The following HRH1 variants were observed in gnomAD, a reference collection of about 807,000 sequenced individuals.
The protein encoded by HRH1 is histamine receptor H1.
Under a neutral mutation model 10.3 loss-of-function variants are expected in HRH1, and 6 were observed. That is an observed-to-expected ratio of 0.58 (90% CI 0.32 to 1.15). The LOEUF (loss-of-function observed/expected upper bound fraction) is 1.15, where lower values mean the gene tolerates loss of function less well. Ranked by LOEUF, HRH1 falls within the 50% of genes most tolerant of loss-of-function variation. The pLI is 0.05. For synonymous variants in HRH1, 242 were observed against 236.7 expected (o/e 1.02, Z -0.21); for missense variants, 514 against 615.3 (o/e 0.84, Z 1.74).
chr3:11,179,955 A>G (rs551441510), intron 1 of HRH1, among the ~76,000 whole-genome samples: 8 of 151,688 alleles, frequency 5.3e-5, no homozygotes, highest in East Asian at 2.0e-4. Flanking sequence ...TAGAGATGGG[A>G]TCTCACTGTG....
chr3:11,184,938 A>G (rs1206638926), intron 1 of HRH1, among the ~76,000 whole-genome samples: 1 of 151,164 alleles, frequency 6.6e-6, no homozygotes, highest in Non-Finnish European at 1.5e-5. Context: ...AAAAAAAAGA[A>G]TCAGGCTAAT....
intron 1 of HRH1, among the ~76,000 whole-genome samples, chr3:11,186,618 G>A (rs1314436863): frequency 6.6e-6 from 1 of 152,168 alleles, no homozygotes; most frequent in Non-Finnish European, 1.5e-5. Context: ...CTTGGAGGTC[G>A]GGATCTGAGA....
At chr3:11,158,099 T>G (rs953133308) in intron 1 of HRH1, among the ~76,000 whole-genome samples, 1 of 152,240 alleles carries the variant, frequency 6.6e-6, no homozygotes, top group East Asian at 1.9e-4. Context: ...AGCTTTCTTA[T>G]CTGTAAAATG....
rs541711963 is a variant in HRH1, at chr3:11,178,439, C to T, written c.-36+23885C>T. Among the ~76,000 whole-genome samples the T allele has an allele frequency of 1.1e-3, 171 of 152,208 alleles. 1 individual carries two copies. Among genetic ancestry groups the T allele is most frequent in the South Asian group, 2.5e-3 (12 of 4,826 alleles). The stretch of plus-strand genomic sequence containing the variant: ...CAGTGTTAGTGTTCTGCCTAAATCC[C>T]CTTGGATCTCTTTACAGTTTCTGCG... On this transcript the variant is annotated intron_variant, in intron 1 of 1. Transcript: ENST00000431010.
At chr3:11,236,798 C>T (rs1172534869) in intron 1 of HRH1, among the ~76,000 whole-genome samples, 1 of 152,198 alleles carries the variant, frequency 6.6e-6, no homozygotes, top group South Asian at 2.1e-4. Flanking sequence ...GCAGGTGGTG[C>T]TAAAGAGCCC....
chr3:11,244,634 C>G (rs1939432845), intron 1 of HRH1, among the ~76,000 whole-genome samples: 1 of 152,252 alleles, frequency 6.6e-6, no homozygotes. Flanking sequence ...TAAATAATTG[C>G]ATTGCCCTTG....
intron 1 of HRH1, among the ~76,000 whole-genome samples, chr3:11,220,355 A>T (rs866168916): frequency 1.1e-4 from 17 of 152,326 alleles, no homozygotes; most frequent in Middle Eastern, 3.4e-3. Context: ...CGGTTACCTC[A>T]TCACTGTCCT....
At chr3:11,235,515 CA>C (rs2152576136) in intron 1 of HRH1, among the ~76,000 whole-genome samples, 1 of 152,266 alleles carries the variant, frequency 6.6e-6, no homozygotes, top group East Asian at 1.9e-4. Context: ...TCCATCTCCC[CA>C]CTAGGCCTCT....
Position 11,260,031 on chromosome 3 carries a change from A to G in HRH1, c.994A>G (p.Lys332Glu). ...CGTCAACCGGAGCCATGGCCAGCTC[A>G]AGACAGATGAGCAGGGCCTGAACAC... The part of the protein sequence containing the change: ...VAVNRSHGQL[K>E]TDEQGLNTHG... The change falls in exon 2 of 2, where the codon AAG becomes GAG. Residue 332 changes from lysine (K) to glutamate (E), a missense_variant. Coordinates refer to ENST00000431010, the MANE Select transcript of HRH1 (RefSeq NM_001098212.2). 1 of 1,614,140 alleles carries G rather than the reference A, an allele frequency of 6.2e-7. No individual in the cohort carries two copies. Among genetic ancestry groups the G allele is most frequent in the Non-Finnish European group, 8.5e-7 (1 of 1,179,990 alleles).
chr3:11,239,862 A>G (rs1279759754), intron 1 of HRH1, among the ~76,000 whole-genome samples: 2 of 150,694 alleles, frequency 1.3e-5, no homozygotes, highest in Non-Finnish European at 2.9e-5. Flanking sequence ...GAGATTTTGC[A>G]TGAAATCTTT....
At chr3:11,235,476 C>T (rs1407845986) in intron 1 of HRH1, among the ~76,000 whole-genome samples, 1 of 152,124 alleles carries the variant, frequency 6.6e-6, no homozygotes, top group African/African-American at 2.4e-5. Context: ...GGCGTGGCTT[C>T]CTCACTGTTG....
At chr3:11,142,099 G>T (rs1168756686) in intron 1 of HRH1, among the ~76,000 whole-genome samples, 1 of 152,310 alleles carries the variant, frequency 6.6e-6, no homozygotes, top group Non-Finnish European at 1.5e-5. Flanking sequence ...GCTAGACCAG[G>T]TCCCAAGTTC....
intron 1 of HRH1, among the ~76,000 whole-genome samples, chr3:11,227,941 G>A (rs1255606938): frequency 3.9e-5 from 6 of 152,226 alleles, no homozygotes; most frequent in South Asian, 4.1e-4. Context: ...TATCAAAAAC[G>A]AGGGGAGAAT....
intron 1 of HRH1, among the ~76,000 whole-genome samples, chr3:11,192,577 C>G (rs1422526203): frequency 1.3e-5 from 2 of 152,080 alleles, no homozygotes. Context: ...TCTATTAGGT[C>G]ACAGGCACTT....
At chr3:11,230,436 C>T (rs1939009155) in intron 1 of HRH1, among the ~76,000 whole-genome samples, 1 of 152,226 alleles carries the variant, frequency 6.6e-6, no homozygotes, top group Non-Finnish European at 1.5e-5. Flanking sequence ...CTGGATCCTA[C>T]TGAATCGACT....
In HRH1 at chr3:11,261,722, A is replaced by T. The variant is rs199981325; in HGVS notation, c.*1221A>T. On this transcript the variant is annotated 3_prime_UTR_variant, in exon 2 of 2. Transcript: ENST00000431010. The stretch of plus-strand genomic sequence containing the variant: ...CATGGTGGGGCATGCCTGTAGTCCC[A>T]CTTACTTGGGAGGCCGAGGCACGAG... 2.6e-5 allele frequency: 4 copies of T among 155,074 alleles called. No homozygotes were observed. The highest frequency in any genetic ancestry group is 4.4e-5 in the Non-Finnish European group (3 of 68,098). The allele number at this position is 155,074 out of a possible 1,614,324, so 9.6% of individuals were successfully genotyped here.
At chr3:11,228,476 AT>A (rs1409812448) in intron 1 of HRH1, among the ~76,000 whole-genome samples, 1 of 152,158 alleles carries the variant, frequency 6.6e-6, no homozygotes, top group Admixed American at 6.5e-5. Context: ...CAGCATCAGT[AT>A]TTTTTTTAAA....
intron 1 of HRH1, among the ~76,000 whole-genome samples, chr3:11,200,866 TC>T (rs1937877577): frequency 6.6e-6 from 1 of 152,124 alleles, no homozygotes; most frequent in South Asian, 2.1e-4. Flanking sequence ...TCAAAAAAAC[TC>T]CATGACTTAA....
At chr3:11,179,256 C>G (rs1047544604) in intron 1 of HRH1, among the ~76,000 whole-genome samples, 1 of 151,794 alleles carries the variant, frequency 6.6e-6, no homozygotes, top group African/African-American at 2.4e-5. Flanking sequence ...CCACTGCACT[C>G]CAGCCTGGGC....
Sources: gnomAD v4.1 joint callset for allele counts (sites outside exome capture counted in the v4.1 genomes callset) on GRCh38, gnomAD v4.1.1 for gene constraint, MANE v1.5 for transcripts, NCBI Gene and HGNC (gene_info 2026-07-23, HGNC 2026-07-21) for gene names.